PRKG1: variants seen among roughly 807,000 people sequenced by gnomAD.
PRKG1 encodes the protein cGMP-dependent protein kinase 1.
A neutral mutation model predicts 88.1 loss-of-function variants in PRKG1; 35 were observed. The ratio of observed to expected loss-of-function variants is 0.40; its 90% CI spans 0.30 to 0.53. PRKG1 has a LOEUF of 0.53. Among genes scored for constraint, PRKG1 ranks in the 20% least tolerant of loss-of-function variants. The pLI is 0.59. For synonymous variants in PRKG1, 303 were observed against 292.5 expected (o/e 1.04, Z -0.37); for missense variants, 540 against 839.8 (o/e 0.64, Z 4.41).
At chr10:51,549,328 G>A (rs569454327) in intron 3 of PRKG1, among the ~76,000 whole-genome samples, 2 of 151,164 alleles carry the variant, frequency 1.3e-5, no homozygotes, top group African/African-American at 4.9e-5. Context: ...ATTTCACCAT[G>A]TTAGCCGGGA....
chr10:51,056,044 G>A (rs994592314), intron 1 of PRKG1, among the ~76,000 whole-genome samples: 14 of 152,196 alleles, frequency 9.2e-5, no homozygotes, highest in African/African-American at 2.9e-4. Flanking sequence ...AAGTTCACTA[G>A]TTTAGCAAAG....
chr10:51,934,254 A>ACCCCCCC (rs58734959), intron 5 of PRKG1, among the ~76,000 whole-genome samples: 1 of 143,842 alleles, frequency 7.0e-6, no homozygotes, highest in African/African-American at 2.6e-5. Context: ...ACACACACAT[A>ACCCCCCC]CCCCCCCCCC....
intron 5 of PRKG1, among the ~76,000 whole-genome samples, chr10:52,014,615 C>T (rs564255384): frequency 1.3e-5 from 2 of 152,182 alleles, no homozygotes; most frequent in African/African-American, 4.8e-5. Context: ...AGTCTTAACT[C>T]TTTCCAGCGT....
intron 9 of PRKG1, among the ~76,000 whole-genome samples, chr10:52,227,899 G>A (rs149038082): frequency 2.3e-4 from 35 of 152,226 alleles, no homozygotes; most frequent in African/African-American, 7.2e-4. Flanking sequence ...CAATGAAAAC[G>A]TGGTAATTTC....
chr10:51,226,127 C>T (rs1273810053), intron 2 of PRKG1, among the ~76,000 whole-genome samples: 1 of 152,064 alleles, frequency 6.6e-6, no homozygotes, highest in Non-Finnish European at 1.5e-5. Context: ...TTACTTGAAC[C>T]CGGGATTCAG....
At chr10:51,889,833 T>A (rs1023030162) in intron 4 of PRKG1, among the ~76,000 whole-genome samples, 4 of 152,258 alleles carry the variant, frequency 2.6e-5, no homozygotes, top group African/African-American at 9.6e-5. Flanking sequence ...TTTTCATGTG[T>A]CTGTTGGCTG....
chr10:52,154,887 A>G (rs912470626), intron 8 of PRKG1, among the ~76,000 whole-genome samples: 4 of 152,170 alleles, frequency 2.6e-5, no homozygotes, highest in African/African-American at 7.2e-5. Context: ...TAAGTGAGAC[A>G]TGATATTTGG....
intron 9 of PRKG1, among the ~76,000 whole-genome samples, chr10:52,177,303 G>C (rs996947365): frequency 1.3e-5 from 2 of 151,992 alleles, no homozygotes; most frequent in African/African-American, 4.8e-5. Flanking sequence ...TGGTATGTAT[G>C]ACATTTATTT....
rs1444529899 is a variant in PRKG1, at chr10:52,211,864, T to TA, written c.1077-39698dup. The stretch of plus-strand genomic sequence containing the variant: ...CCCCTCCAGATTCAGTTTCTATACT[T>TA]AAAAAAAATAGAAAAAAAACTTGTA... On this transcript the variant is annotated intron_variant, in intron 9 of 17. Coordinates refer to ENST00000373980, the MANE Select transcript of PRKG1 (RefSeq NM_006258.4). 4.6e-5 allele frequency among the ~76,000 whole-genome samples: 7 copies of TA among 151,788 alleles called. No individual in the cohort carries two copies. The Middle Eastern group carries it at 0.01, about 221-fold the overall frequency.
chr10:51,236,954 G>A (rs1839011096), intron 2 of PRKG1, among the ~76,000 whole-genome samples: 1 of 152,200 alleles, frequency 6.6e-6, no homozygotes, highest in Admixed American at 6.5e-5. Flanking sequence ...TTCCTGATGT[G>A]AAGACAGATG....
intron 4 of PRKG1, among the ~76,000 whole-genome samples, chr10:51,863,841 T>G (rs1000567938): frequency 6.6e-6 from 1 of 152,230 alleles, no homozygotes; most frequent in Non-Finnish European, 1.5e-5. Flanking sequence ...TTTATATTTC[T>G]TTCATGTTTA....
At chr10:51,053,534 C>A (rs1037125587) in intron 1 of PRKG1, among the ~76,000 whole-genome samples, 1 of 152,074 alleles carries the variant, frequency 6.6e-6, no homozygotes, top group East Asian at 1.9e-4. Flanking sequence ...TGCATCACCC[C>A]CCATGGTAAA....
chr10:51,881,052 G>C (rs1261827457), intron 4 of PRKG1, among the ~76,000 whole-genome samples: 1 of 151,672 alleles, frequency 6.6e-6, no homozygotes, highest in Non-Finnish European at 1.5e-5. Context: ...TGTGGGATGG[G>C]TGGGGGAGGG....
chr10:51,875,766 G>A (rs75580312), intron 4 of PRKG1, among the ~76,000 whole-genome samples: 2,521 of 152,248 alleles, frequency 0.017, 80 homozygotes, highest in Admixed American at 0.061. Flanking sequence ...AGGATATCAT[G>A]TTTCACAACT....
intron 3 of PRKG1, among the ~76,000 whole-genome samples, chr10:51,580,685 A>C (rs1838008588): frequency 6.6e-6 from 1 of 150,640 alleles, no homozygotes; most frequent in Non-Finnish European, 1.5e-5. Context: ...AGGGGCAGCT[A>C]TTTTTTATTA....
chr10:51,160,256 G>A (rs971807677), intron 2 of PRKG1, among the ~76,000 whole-genome samples: 1 of 151,968 alleles, frequency 6.6e-6, no homozygotes, highest in Non-Finnish European at 1.5e-5. Context: ...AATTTTGCAC[G>A]TATTCTTCTA....
intron 3 of PRKG1, among the ~76,000 whole-genome samples, chr10:51,662,216 T>G (rs144264076): frequency 5.3e-5 from 8 of 152,256 alleles, no homozygotes; most frequent in African/African-American, 1.9e-4. Flanking sequence ...CCCTAGAACC[T>G]AAAGTATACT....
chr10:51,848,635 G>T (rs1045799034), intron 4 of PRKG1, among the ~76,000 whole-genome samples: 34 of 75,528 alleles, frequency 4.5e-4, no homozygotes, highest in African/African-American at 4.2e-3. Context: ...GTCTGTATCT[G>T]TGTGTGTGTG....
At chr10:51,245,125 C>G (rs1223261875) in intron 2 of PRKG1, 1 of 152,122 alleles carries the variant, frequency 6.6e-6, no homozygotes, top group African/African-American at 2.4e-5. Context: ...ACAGATTTCT[C>G]TTTTGCTCTC....
Sources: gnomAD v4.1 joint callset for allele counts (sites outside exome capture counted in the v4.1 genomes callset) on GRCh38, gnomAD v4.1.1 for gene constraint, MANE v1.5 for transcripts, NCBI Gene and HGNC (gene_info 2026-07-23, HGNC 2026-07-21) for gene names.